The following SGCZ variants were observed in gnomAD, a reference collection of about 807,000 sequenced individuals.
SGCZ encodes zeta-sarcoglycan.
In SGCZ, 40 loss-of-function variants were observed where a neutral mutation model predicts 41.3. The observed-to-expected ratio is 0.97, with a 90% CI of 0.75 to 1.26. The LOEUF (loss-of-function observed/expected upper bound fraction) is 1.26, where lower values mean the gene tolerates loss of function less well. Among genes scored for constraint, SGCZ ranks in the 50% most tolerant of loss-of-function variants. The probability of loss-of-function intolerance (pLI) is 0.00; values close to 1 mark genes in which losing one functional copy is unlikely to be tolerated. For synonymous variants in SGCZ, 206 were observed against 137.5 expected (o/e 1.50, Z -3.49); for missense variants, 552 against 369.8 (o/e 1.49, Z -4.04).
chr8:14,206,262 A>G (rs184111379), intron 4 of SGCZ, among the ~76,000 whole-genome samples: 3 of 152,288 alleles, frequency 2.0e-5, no homozygotes, highest in Non-Finnish European at 4.4e-5. Flanking sequence ...TTATAGTGTA[A>G]GAAAACTCAG....
intron 1 of SGCZ, among the ~76,000 whole-genome samples, chr8:14,646,727 A>T (rs6981970): frequency 0.11 from 16,311 of 151,882 alleles, 1,056 homozygotes; most frequent in African/African-American, 0.19. Flanking sequence ...AGAAATATTA[A>T]AAAAATGACA....
At chr8:14,779,334 G>T (rs2130428368) in intron 1 of SGCZ, among the ~76,000 whole-genome samples, 1 of 152,316 alleles carries the variant, frequency 6.6e-6, no homozygotes, top group Non-Finnish European at 1.5e-5. Context: ...CATTTCCACT[G>T]AGAAGCCTGC....
At chr8:14,968,243 A>G (rs1443678104) in intron 1 of SGCZ, among the ~76,000 whole-genome samples, 1 of 152,168 alleles carries the variant, frequency 6.6e-6, no homozygotes, top group Non-Finnish European at 1.5e-5. Context: ...TCAAACATAT[A>G]GTGTACAACA....
At chr8:14,331,537 C>A (rs1018847105) in intron 2 of SGCZ, among the ~76,000 whole-genome samples, 1 of 152,060 alleles carries the variant, frequency 6.6e-6, no homozygotes, top group Non-Finnish European at 1.5e-5. Context: ...TGTATTCCTG[C>A]ATATTATCAG....
chr8:14,780,374 CAAA>C (rs533888354), intron 1 of SGCZ, among the ~76,000 whole-genome samples: 5 of 79,062 alleles, frequency 6.3e-5, no homozygotes, highest in Non-Finnish European at 5.3e-5. Flanking sequence ...GACTCCATCT[CAAA>C]AAAAAAAAAA....
At chr8:14,879,595 GACACACACACACACAC>G (rs33933535) in intron 1 of SGCZ, among the ~76,000 whole-genome samples, 1 of 147,008 alleles carries the variant, frequency 6.8e-6, no homozygotes, top group South Asian at 2.2e-4. Flanking sequence ...CAGACACACA[GACACACACACACACAC>G]ACACACACAC....
chr8:14,994,412 T>C (rs916700195), intron 1 of SGCZ, among the ~76,000 whole-genome samples: 2 of 152,078 alleles, frequency 1.3e-5, no homozygotes, highest in East Asian at 1.9e-4. Context: ...GGTGAAACCC[T>C]GTCTCTACTA....
At chr8:14,717,992 A>AT (rs1809746608) in intron 1 of SGCZ, among the ~76,000 whole-genome samples, 1 of 92,522 alleles carries the variant, frequency 1.1e-5, no homozygotes, top group Non-Finnish European at 1.9e-5. Flanking sequence ...AAATTCTAAA[A>AT]TAAGATATAT....
intron 4 of SGCZ, among the ~76,000 whole-genome samples, chr8:14,218,997 T>C (rs1806096540): frequency 1.3e-5 from 2 of 152,336 alleles, no homozygotes; most frequent in Non-Finnish European, 1.5e-5. Context: ...TGTTTGGCAT[T>C]TGAACCAAAC....
chr8:14,606,302 C>G (rs1805746628), intron 1 of SGCZ, among the ~76,000 whole-genome samples: 1 of 151,374 alleles, frequency 6.6e-6, no homozygotes, highest in Non-Finnish European at 1.5e-5. Context: ...TCACTAATAG[C>G]TTTCTGTTAC....
intron 2 of SGCZ, among the ~76,000 whole-genome samples, chr8:14,368,641 C>T (rs1264683028): frequency 1.3e-5 from 2 of 151,654 alleles, no homozygotes; most frequent in Non-Finnish European, 2.9e-5. Flanking sequence ...TGAAAGAGCA[C>T]TCCAGTAAAC....
intron 1 of SGCZ, among the ~76,000 whole-genome samples, chr8:14,910,497 T>A (rs1046951002): frequency 6.6e-6 from 1 of 151,950 alleles, no homozygotes; most frequent in African/African-American, 2.4e-5. Flanking sequence ...TTTTTTTAAA[T>A]GTACATAAAC....
chr8:14,611,231 T>C (rs1177655624), intron 1 of SGCZ, among the ~76,000 whole-genome samples: 1 of 152,196 alleles, frequency 6.6e-6, no homozygotes, highest in East Asian at 1.9e-4. Flanking sequence ...CCTTTTCAAA[T>C]ATCTTTATAT....
At chr8:15,223,406 A>C (rs1459737235) in intron 1 of SGCZ, among the ~76,000 whole-genome samples, 1 of 151,948 alleles carries the variant, frequency 6.6e-6, no homozygotes, top group Non-Finnish European at 1.5e-5. Flanking sequence ...CACAAAGACG[A>C]CTCCTTGTGT....
At chr8:14,101,210 A>C (rs1379335339) in intron 7 of SGCZ, among the ~76,000 whole-genome samples, 1 of 152,162 alleles carries the variant, frequency 6.6e-6, no homozygotes, top group Non-Finnish European at 1.5e-5. Context: ...GAGATTAGAT[A>C]GTGGGGAGAA....
At chr8:15,140,063 C>G (rs1487251880) in intron 1 of SGCZ, among the ~76,000 whole-genome samples, 1 of 152,010 alleles carries the variant, frequency 6.6e-6, no homozygotes, top group Non-Finnish European at 1.5e-5. Context: ...CACTGTTGCC[C>G]AGGCTGGAGT....
chr8:15,071,999 C>T (rs901438233), intron 1 of SGCZ, among the ~76,000 whole-genome samples: 2 of 152,126 alleles, frequency 1.3e-5, no homozygotes, highest in East Asian at 3.9e-4. Context: ...CCCAGCTCCA[C>T]GGATCTCTAC....
chr8:15,075,987 A>G (rs185335364), intron 1 of SGCZ, among the ~76,000 whole-genome samples: 129 of 152,296 alleles, frequency 8.5e-4, no homozygotes, highest in African/African-American at 3.0e-3. Flanking sequence ...CATGGAACTA[A>G]TATCATACAG....
chr8:14,486,431 T>C (rs1340531258), intron 2 of SGCZ, among the ~76,000 whole-genome samples: 1 of 152,196 alleles, frequency 6.6e-6, no homozygotes, highest in Non-Finnish European at 1.5e-5. Flanking sequence ...CTTTAACACA[T>C]TGTATTTGGT....
Sources: allele counts gnomAD v4.1 joint callset (sites outside exome capture counted in the v4.1 genomes callset), GRCh38; gene constraint gnomAD v4.1.1; transcripts MANE v1.5; gene names NCBI Gene and HGNC (gene_info 2026-07-23, HGNC 2026-07-21).